The following SPAST variants were observed in gnomAD, a reference collection of about 807,000 sequenced individuals.
The protein encoded by SPAST is spastic paraplegia 4 (autosomal dominant; spastin).
A neutral mutation model predicts 76.6 loss-of-function variants in SPAST; 30 were observed. The ratio of observed to expected loss-of-function variants is 0.39; its 90% CI spans 0.29 to 0.53. The LOEUF (loss-of-function observed/expected upper bound fraction) is 0.53. Among genes scored for constraint, SPAST ranks in the 20% least tolerant of loss-of-function variants. SPAST has a pLI of 0.68. For missense variants in SPAST, 717 were observed against 770.5 expected (o/e 0.93, Z 0.82); for synonymous variants, 305 against 281.0 (o/e 1.09, Z -0.86).
intron 4 of SPAST, among the ~76,000 whole-genome samples, chr2:32,106,960 A>G (rs919211633): frequency 1.7e-4 from 25 of 151,184 alleles, no homozygotes; most frequent in African/African-American, 6.1e-4. Context: ...TATGTATTTG[A>G]GATCCCAGTA....
chr2:32,107,908 G>A (rs1310934569), intron 4 of SPAST, among the ~76,000 whole-genome samples: 1 of 152,122 alleles, frequency 6.6e-6, no homozygotes, highest in Non-Finnish European at 1.5e-5. Context: ...TTACTTGGAT[G>A]AGTTCTTTCA....
chr2:32,124,118 T>A (rs1679112427), intron 7 of SPAST, among the ~76,000 whole-genome samples: 1 of 152,182 alleles, frequency 6.6e-6, no homozygotes, highest in East Asian at 1.9e-4. Context: ...ACAAAATTCA[T>A]TATCTGATGA....
rs1333329179 is a variant in SPAST, at chr2:32,083,774, A to ATT, written c.416-3717_416-3716insTT. 5.1e-3 allele frequency among the ~76,000 whole-genome samples: 275 copies of ATT among 54,372 alleles called. 3 individuals are homozygous for ATT. Among genetic ancestry groups the ATT allele is most frequent in the African/African-American group, 0.013 (178 of 13,706 alleles). The allele number at this position is 54,372 out of a possible 152,430, so 35.7% of individuals were successfully genotyped here. ...ACTATATATATATATATATATATATATATTTTTTTTTTTTTTTGAGATGAA... is the reference window on the plus strand; with the variant it reads ...ACTATATATATATATATATATATATATTTATTTTTTTTTTTTTTTGAGATGAA... On this transcript the variant is annotated intron_variant, in intron 1 of 16. Transcript: ENST00000315285.
In SPAST at chr2:32,136,860, A is replaced by G. The variant is rs1679551877; in HGVS notation, c.1322-17A>G. The G allele has an allele frequency of 2.5e-6, 4 of 1,593,846 alleles. No individual in the cohort carries two copies. Among genetic ancestry groups the G allele is most frequent in the Non-Finnish European group, 3.4e-6 (4 of 1,161,790 alleles). On this transcript the variant is annotated splice_polypyrimidine_tract_variant and intron_variant, in intron 10 of 16. Transcript: ENST00000315285. ...GCTTGGTCTTTAATTAAAGTCTTAT[A>G]CTTGTATTTCCTCTAGATGAAGTTG... is the stretch of plus-strand genomic sequence containing the variant.
At position 32,089,492 on chromosome 2, in the gene SPAST, T is replaced by C. The variant is rs778091282; in HGVS notation, c.503-30T>C. 10 of 1,211,514 alleles carry C rather than the reference T, an allele frequency of 8.3e-6. 1 individual carries two copies. The highest frequency in any genetic ancestry group is 1.9e-4 in the Middle Eastern group (1 of 5,284). 75.0% of individuals were successfully genotyped at this position (1,211,514 alleles called of 1,614,324 possible). A position where few individuals can be genotyped will look rare whatever the true frequency, so the allele number is the denominator to read the frequency against. ...GTGAAACAATATTAGTTGGGAAATG[T>C]AGATATTTTAATTAATTTTTTTCTT... On this transcript the variant is annotated intron_variant, in intron 2 of 16. Transcript: ENST00000315285.
chr2:32,135,727 T>C (rs1573154370), intron 9 of SPAST, among the ~76,000 whole-genome samples: 1 of 151,922 alleles, frequency 6.6e-6, no homozygotes, highest in Non-Finnish European at 1.5e-5. Flanking sequence ...CCAAGTTAGG[T>C]GGATCACTTG....
intron 1 of SPAST, among the ~76,000 whole-genome samples, chr2:32,080,787 T>TC (rs1677189851): frequency 8.3e-6 from 1 of 120,176 alleles, no homozygotes; most frequent in Non-Finnish European, 1.8e-5. Context: ...TCAGTTCTTT[T>TC]TTTTTTTTTT....
At chr2:32,078,195 T>G (rs865909925) in intron 1 of SPAST, among the ~76,000 whole-genome samples, 3 of 152,092 alleles carry the variant, frequency 2.0e-5, no homozygotes, top group Non-Finnish European at 4.4e-5. Context: ...TTTCACCGTT[T>G]TAGCCGGGAT....
chr2:32,100,410 A>G (rs1367044941), intron 4 of SPAST, among the ~76,000 whole-genome samples: 2 of 150,356 alleles, frequency 1.3e-5, no homozygotes, highest in Non-Finnish European at 2.9e-5. Flanking sequence ...GAACAACCTT[A>G]GGTTAGGCTA....
chr2:32,147,345 G>GGTT (rs1679923164), intron 16 of SPAST, 87 bp downstream of exon 16: 5 of 162,904 alleles, frequency 3.1e-5, no homozygotes, highest in South Asian at 1.8e-4. Flanking sequence ...TGTGTGTGTG[G>GGTT]TTTTTTTTTT....
At chr2:32,125,014 A>G (rs1380075020) in intron 7 of SPAST, among the ~76,000 whole-genome samples, 1 of 152,132 alleles carries the variant, frequency 6.6e-6, no homozygotes, top group Admixed American at 6.6e-5. Context: ...ATAAGAGTGA[A>G]CCCTAATGTA....
At chr2:32,127,450 A>G (rs531191786) in intron 8 of SPAST, 27 of 184,334 alleles carry the variant, frequency 1.5e-4, no homozygotes, top group East Asian at 9.5e-4. Context: ...CTACTTTTCA[A>G]TGTAGAAGTA....
chr2:32,148,980 A>G (rs1436038514), intron 16 of SPAST, among the ~76,000 whole-genome samples: 1 of 152,132 alleles, frequency 6.6e-6, no homozygotes, highest in African/African-American at 2.4e-5. Context: ...TCTCAAAAAA[A>G]AAAAAATTAC....
chr2:32,090,709 A>G (rs1677675457), intron 3 of SPAST, among the ~76,000 whole-genome samples: 1 of 152,306 alleles, frequency 6.6e-6, no homozygotes, highest in Admixed American at 6.5e-5. Context: ...TTGTTGATGA[A>G]ACCAGGTCTT....
At chr2:32,116,946 G>A (rs1033762162) in intron 7 of SPAST, among the ~76,000 whole-genome samples, 5 of 151,992 alleles carry the variant, frequency 3.3e-5, no homozygotes, top group African/African-American at 1.2e-4. Context: ...CATCCTGGGT[G>A]ACAGAGCGAG....
intron 13 of SPAST, among the ~76,000 whole-genome samples, chr2:32,142,523 TC>T (rs1679753669): frequency 6.6e-6 from 1 of 152,160 alleles, no homozygotes; most frequent in Non-Finnish European, 1.5e-5. Flanking sequence ...CAAGTGATTC[TC>T]CTGCCTCAGC....
intron 1 of SPAST, among the ~76,000 whole-genome samples, chr2:32,082,839 A>G (rs1020963261): frequency 1.3e-5 from 2 of 152,016 alleles, no homozygotes; most frequent in Non-Finnish European, 2.9e-5. Flanking sequence ...TTTCCTACAT[A>G]TGTCAGTAGT....
intron 1 of SPAST, among the ~76,000 whole-genome samples, chr2:32,076,625 A>T (rs1418281196): frequency 6.6e-6 from 1 of 152,220 alleles, no homozygotes; most frequent in Non-Finnish European, 1.5e-5. Flanking sequence ...ATCAGTGATT[A>T]TAATGCTTTG....
At chr2:32,146,851 CAAAAAAAAAAAAAAA>C (rs397984237) in intron 15 of SPAST, among the ~76,000 whole-genome samples, 5 of 19,224 alleles carry the variant, frequency 2.6e-4, no homozygotes, top group Non-Finnish European at 5.5e-4. Flanking sequence ...GACTCTGTCT[CAAAAAAAAAAAAAAA>C]AAAAAAAAAA....
Sources: gnomAD v4.1 joint callset for allele counts (sites outside exome capture counted in the v4.1 genomes callset) on GRCh38, gnomAD v4.1.1 for gene constraint, MANE v1.5 for transcripts, NCBI Gene and HGNC (gene_info 2026-07-23, HGNC 2026-07-21) for gene names.